Variants in COG5 observed in about 807,000 individuals in gnomAD.
The protein encoded by COG5 is conserved oligomeric Golgi complex subunit 5.
COG5 carries 86 observed loss-of-function variants against 110.4 expected under a neutral mutation model. The observed-to-expected ratio is 0.78, with a 90% CI of 0.65 to 0.93. The LOEUF is 0.93. Among genes scored for constraint, COG5 ranks in the 40% least tolerant of loss-of-function variants. The pLI, the probability that COG5 is intolerant of heterozygous loss-of-function variation, is 0.00. For synonymous variants in COG5, 360 were observed against 334.6 expected, an observed-to-expected ratio of 1.08 and a Z score of -0.83; for missense variants, 1,077 against 987.0, an observed-to-expected ratio of 1.09 and a Z score of -1.22.
chr7:107,362,107 G>A lies in COG5; in HGVS notation c.952C>T (p.Gln318Ter), dbSNP rs760191377. ...DHIYAVCGQV[Q>*]HLQKVLAKKR... ...TTGGCCAATACTTTTTGTAGATGTT[G>A]TACCTTAAATGAAACAAATGTAAAG... The change falls in exon 10 of 22, where the codon CAA becomes TAA. Residue 318 changes from glutamine to a stop codon, truncating the protein, a stop_gained. Coordinates refer to ENST00000297135, the MANE Select transcript of COG5 (RefSeq NM_006348.5). LOFTEE classifies it high-confidence loss of function. 1 of 1,603,988 alleles carries A rather than the reference G, an allele frequency of 6.2e-7. No homozygotes were observed. The highest frequency in any genetic ancestry group is 8.5e-7 in the Non-Finnish European group (1 of 1,172,350).
intron 5 of COG5, among the ~76,000 whole-genome samples, chr7:107,542,986 A>G (rs535208475): frequency 4.8e-5 from 7 of 145,348 alleles, no homozygotes; most frequent in African/African-American, 7.6e-5. Flanking sequence ...AAAAAAAAAA[A>G]GGGAAAAGCA....
chr7:107,290,670 A>T (rs542786258), intron 12 of COG5, among the ~76,000 whole-genome samples: 3 of 152,306 alleles, frequency 2.0e-5, no homozygotes, highest in Non-Finnish European at 4.4e-5. Flanking sequence ...TTGAAAGGAC[A>T]GCTTTACTGG....
chr7:107,514,510 A>C (rs1166372615), intron 6 of COG5, among the ~76,000 whole-genome samples: 1 of 152,178 alleles, frequency 6.6e-6, no homozygotes, highest in African/African-American at 2.4e-5. Flanking sequence ...ATTTTTTTAA[A>C]GGACACTGGG....
intron 14 of COG5, among the ~76,000 whole-genome samples, chr7:107,268,418 A>T (rs1010060578): frequency 6.6e-6 from 1 of 152,226 alleles, no homozygotes; most frequent in Admixed American, 6.5e-5. Context: ...CCAGGAAAAA[A>T]GGTTCATTAC....
Position 107,324,508 on chromosome 7 carries a change from T to G in COG5, c.1040A>C (p.Glu347Ala). 1 of 1,604,460 alleles carries G rather than the reference T, an allele frequency of 6.2e-7. No homozygotes were observed. The highest frequency in any genetic ancestry group is 1.3e-5 in the African/African-American group (1 of 74,916). ...IEEIVKDGQP[E>A]IFYTFWNSVT... ...TGAATTCCAAAATGTGTAGAAAATT[T>G]CCGGTTGTCCATCCTGTGAAGAACA... The change falls in exon 11 of 22, where the codon GAA (glutamate) becomes GCA (alanine). Residue 347 changes from glutamate to alanine, a missense_variant. By Grantham distance (107) the Glu-to-Ala change is moderately radical. Transcript: ENST00000297135.
intron 8 of COG5, 60 bp from the exon 9 acceptor site, chr7:107,362,480 T>C (rs1813212710): frequency 4.2e-6 from 4 of 960,826 alleles, no homozygotes; most frequent in East Asian, 5.3e-5. Flanking sequence ...AATATATATA[T>C]ATATGTTATT....
chr7:107,438,996 G>C (rs537919569), intron 6 of COG5, among the ~76,000 whole-genome samples: 8 of 151,982 alleles, frequency 5.3e-5, no homozygotes, highest in African/African-American at 1.9e-4. Flanking sequence ...CAAAACTCCA[G>C]CTTTGAATCT....
chr7:107,379,938 T>C (rs1330845404), intron 7 of COG5, among the ~76,000 whole-genome samples: 1 of 152,164 alleles, frequency 6.6e-6, no homozygotes, highest in Non-Finnish European at 1.5e-5. Context: ...AATAGTCATC[T>C]ACAGAACTCT....
chr7:107,460,003 T>A (rs1055310086), intron 6 of COG5, among the ~76,000 whole-genome samples: 19 of 151,966 alleles, frequency 1.3e-4, no homozygotes, highest in African/African-American at 4.3e-4. Flanking sequence ...CTAAACAAAT[T>A]TAAAAGAACA....
At chr7:107,261,816 C>T (rs1022660980) in intron 14 of COG5, among the ~76,000 whole-genome samples, 1 of 152,182 alleles carries the variant, frequency 6.6e-6, no homozygotes, top group Admixed American at 6.5e-5. Context: ...CATTTCAAAT[C>T]TTTCCCTTTG....
intron 16 of COG5, 32 bp downstream of exon 16, chr7:107,256,700 G>C: frequency 6.7e-7 from 1 of 1,483,286 alleles, no homozygotes; most frequent in Non-Finnish European, 9.4e-7. Flanking sequence ...AAACCACTTT[G>C]ATCTATAGAG....
At chr7:107,263,586 GACAC>G (rs1216880379) in intron 14 of COG5, among the ~76,000 whole-genome samples, 1 of 151,954 alleles carries the variant, frequency 6.6e-6, no homozygotes, top group Non-Finnish European at 1.5e-5. Context: ...CACACGTGCA[GACAC>G]ACACAAGGAA....
At chr7:107,313,103 C>T (rs1483030355) in intron 11 of COG5, among the ~76,000 whole-genome samples, 1 of 152,192 alleles carries the variant, frequency 6.6e-6, no homozygotes, top group East Asian at 1.9e-4. Flanking sequence ...ATCCTGAAGA[C>T]ATTCACTAGG....
intron 14 of COG5, among the ~76,000 whole-genome samples, chr7:107,280,705 T>C (rs1364158808): frequency 2.0e-5 from 3 of 152,078 alleles, no homozygotes; most frequent in African/African-American, 4.8e-5. Context: ...AACATTAATG[T>C]ATAGAATTAA....
intron 21 of COG5, chr7:107,210,112 T>C (rs1160715847): frequency 4.0e-5 from 42 of 1,056,056 alleles, no homozygotes; most frequent in Non-Finnish European, 4.4e-5. Context: ...TGTTTCCTCC[T>C]CAGAACTGTT....
chr7:107,506,391 G>C (rs1799002721), intron 6 of COG5, among the ~76,000 whole-genome samples: 1 of 152,176 alleles, frequency 6.6e-6, no homozygotes, highest in Admixed American at 6.5e-5. Context: ...GGCTGGAGGG[G>C]TAAAGCCAGG....
intron 14 of COG5, among the ~76,000 whole-genome samples, chr7:107,266,143 G>A (rs1360447164): frequency 6.6e-6 from 1 of 152,090 alleles, no homozygotes; most frequent in Non-Finnish European, 1.5e-5. Context: ...TGGAATCCAG[G>A]GTTAGGGTAT....
At chr7:107,318,615 G>A (rs1808973577) in intron 11 of COG5, among the ~76,000 whole-genome samples, 1 of 151,828 alleles carries the variant, frequency 6.6e-6, no homozygotes, top group Non-Finnish European at 1.5e-5. Flanking sequence ...GTTCTGGTAG[G>A]GCTGAGTTTC....
chr7:107,540,820 AAAC>A (rs1801925630), intron 5 of COG5, among the ~76,000 whole-genome samples: 3 of 152,076 alleles, frequency 2.0e-5, no homozygotes, highest in Non-Finnish European at 2.9e-5. Context: ...CAATCAACAA[AAAC>A]AAACCTAGAA....
Sources: allele counts gnomAD v4.1 joint callset (sites outside exome capture counted in the v4.1 genomes callset), GRCh38; gene constraint gnomAD v4.1.1; transcripts MANE v1.5; gene names NCBI Gene and HGNC (gene_info 2026-07-23, HGNC 2026-07-21).